The following RUBCNL variants were observed in gnomAD, a reference collection of about 807,000 sequenced individuals.
The protein encoded by RUBCNL is protein associated with UVRAG as autophagy enhancer.
A neutral mutation model predicts 69.5 loss-of-function variants in RUBCNL; 62 were observed. That is an observed-to-expected ratio of 0.89 (90% CI 0.73 to 1.10). The LOEUF is 1.10. RUBCNL is among the 50% of genes least tolerant of loss of function. The pLI is 0.00. For synonymous variants in RUBCNL, 291 were observed against 303.6 expected (o/e 0.96, Z 0.43); for missense variants, 768 against 798.1 (o/e 0.96, Z 0.45).
chr13:46,368,315 T>C (rs1007515405), intron 4 of RUBCNL, 66 bp from the exon 5 acceptor site: 5 of 1,507,178 alleles, frequency 3.3e-6, no homozygotes, highest in African/African-American at 1.4e-5. Context: ...TATATTAGAT[T>C]TGAAAAATCA....
chr13:46,357,705 C>T (rs990355505), intron 9 of RUBCNL, among the ~76,000 whole-genome samples: 1 of 150,144 alleles, frequency 6.7e-6, no homozygotes, highest in African/African-American at 2.5e-5. Context: ...TCTCAGCTCA[C>T]TGCAACCTTC....
rs1008925545 is a variant in RUBCNL at position 46,336,991 on chromosome 13, G to T, written c.*6394C>A. Among the ~76,000 whole-genome samples the T allele has an allele frequency of 6.6e-6, 1 of 152,076 alleles. No homozygotes were observed. Among genetic ancestry groups the T allele is most frequent in the Non-Finnish European group, 1.5e-5 (1 of 68,024 alleles). On this transcript the variant is annotated 3_prime_UTR_variant, in exon 15 of 15. Coordinates refer to ENST00000429979, the MANE Select transcript of RUBCNL (RefSeq NM_025113.5). The stretch of plus-strand genomic sequence containing the variant: ...ATTTATATCTCCTCAAAAGTCATGT[G>T]TTGAAGACCTAACCCCCAATTGTGA...
rs890140824 is a variant in RUBCNL at position 46,341,247 on chromosome 13, C to T, written c.*2138G>A. On this transcript the variant is annotated 3_prime_UTR_variant, in exon 15 of 15. Transcript: ENST00000429979. Reference sequence around the variant, plus strand: ...CTGATGCCTCACAGTGGGTAATGGTCTGACCAAGCATTCATCTTCTTTCCG... The same window carrying T: ...CTGATGCCTCACAGTGGGTAATGGTTTGACCAAGCATTCATCTTCTTTCCG... Among the ~76,000 whole-genome samples the T allele has an allele frequency of 1.3e-5, 2 of 152,186 alleles. No homozygotes were observed. Among genetic ancestry groups the T allele is most frequent in the East Asian group, 3.8e-4 (2 of 5,200 alleles).
chr13:46,350,517 T>C (rs2048348832), intron 10 of RUBCNL, 166 bp from the exon 11 acceptor site: 4 of 573,538 alleles, frequency 7.0e-6, no homozygotes, highest in Middle Eastern at 4.6e-4. Flanking sequence ...CAGCAGAGAC[T>C]TGGGGAATTA....
intron 13 of RUBCNL, among the ~76,000 whole-genome samples, chr13:46,345,105 T>C (rs1182538127): frequency 1.3e-5 from 2 of 152,238 alleles, no homozygotes; most frequent in African/African-American, 2.4e-5. Context: ...TCATTTATCA[T>C]TGCTGCACTA....
chr13:46,350,194 G>A lies in RUBCNL; in HGVS notation c.1488C>T (p.Ser496=), dbSNP rs2048340336. The A allele has an allele frequency of 3.1e-6, 5 of 1,591,184 alleles. No homozygotes were observed. The African/African-American group carries it at 6.7e-5, about 21-fold the overall frequency. The change falls in exon 11 of 15, where the codon AGC becomes AGT. Residue 496 remains serine, a synonymous_variant. Transcript: ENST00000429979. The part of the protein sequence containing the change: ...VSNFSKQLLD[S]IWHQPIFNLL... ...AATTGAAAATGGGCTGGTGCCATATGCTGTCGAGCAGCTGTTTGGAGAAAT... is the reference window on the plus strand; with the variant it reads ...AATTGAAAATGGGCTGGTGCCATATACTGTCGAGCAGCTGTTTGGAGAAAT...
intron 5 of RUBCNL, among the ~76,000 whole-genome samples, chr13:46,363,552 T>C (rs2048679843): frequency 6.6e-6 from 1 of 152,124 alleles, no homozygotes; most frequent in African/African-American, 2.4e-5. Flanking sequence ...TTAAATACTA[T>C]CATTTAAAAA....
chr13:46,362,923 C>T (rs1215838232), intron 6 of RUBCNL, among the ~76,000 whole-genome samples, 192 bp downstream of exon 6: 2 of 88,038 alleles, frequency 2.3e-5, no homozygotes, highest in Non-Finnish European at 4.5e-5. Flanking sequence ...ACAAGAACAT[C>T]ATATATATAT....
At chr13:46,373,341 T>C (rs540151213) in intron 2 of RUBCNL, among the ~76,000 whole-genome samples, 11 of 152,326 alleles carry the variant, frequency 7.2e-5, no homozygotes, top group Middle Eastern at 3.4e-3. Flanking sequence ...AAGTGGTACA[T>C]AAAACAGAGG....
At position 46,340,969 on chromosome 13, in the gene RUBCNL, G is replaced by A. The variant is rs1438604338; in HGVS notation, c.*2416C>T. Reference sequence around the variant, plus strand: ...CAAACAAGCCAAACTAGAGCACCAAGTCACCATGGGTAGGTAGAAAGTGGC... The same window carrying A: ...CAAACAAGCCAAACTAGAGCACCAAATCACCATGGGTAGGTAGAAAGTGGC... On this transcript the variant is annotated 3_prime_UTR_variant, in exon 15 of 15. Coordinates refer to ENST00000429979, the MANE Select transcript of RUBCNL (RefSeq NM_025113.5). Among the ~76,000 whole-genome samples, 1 of 152,184 alleles carries A rather than the reference G, an allele frequency of 6.6e-6. No homozygotes were observed. Among genetic ancestry groups the A allele is most frequent in the African/African-American group, 2.4e-5 (1 of 41,442 alleles).
chr13:46,381,016 C>T (rs969361493), intron 1 of RUBCNL, among the ~76,000 whole-genome samples: 1 of 152,072 alleles, frequency 6.6e-6, no homozygotes, highest in Non-Finnish European at 1.5e-5. Context: ...CATGTTTGGG[C>T]AAATAAAATG....
At chr13:46,346,214 T>C (rs2048242554) in intron 12 of RUBCNL, among the ~76,000 whole-genome samples, 1 of 152,144 alleles carries the variant, frequency 6.6e-6, no homozygotes, top group South Asian at 2.1e-4. Flanking sequence ...TCCCTGCACT[T>C]CCAAGACAGC....
chr13:46,378,027 G>A (rs930779593), intron 1 of RUBCNL, 22 bp from the exon 2 acceptor site: 19 of 1,347,096 alleles, frequency 1.4e-5, no homozygotes, highest in Admixed American at 4.6e-5. Flanking sequence ...AAAACAATTT[G>A]CCAGATGCTA....
At chr13:46,356,854 C>T (rs563815848) in intron 9 of RUBCNL, among the ~76,000 whole-genome samples, 18 of 151,394 alleles carry the variant, frequency 1.2e-4, no homozygotes, top group African/African-American at 4.1e-4. Context: ...TACATGTACA[C>T]GCCACCATGC....
Position 46,361,548 on chromosome 13 carries a change from A to C in RUBCNL, c.1012T>G (p.Ser338Ala). The C allele has an allele frequency of 2.5e-6, 4 of 1,606,938 alleles. No homozygotes were observed. Among genetic ancestry groups the C allele is most frequent in the Non-Finnish European group, 3.4e-6 (4 of 1,176,378 alleles). Residue 338 changes from serine to alanine, a missense_variant, in exon 8 of 15, where the codon TCT (serine) becomes GCT (alanine). Coordinates refer to ENST00000429979, the MANE Select transcript of RUBCNL (RefSeq NM_025113.5). ...KSVTYEPDFN[S>A]AELLAKELYR... ...AGCTCTTTGGCTAATAGTTCTGCAG[A>C]ATTGAAGTCTGGCTCATAAGTGACA...
chr13:46,351,101 GA>G (rs34231532), intron 10 of RUBCNL: 21,905 of 141,912 alleles, frequency 0.15, 2,051 homozygotes, highest in African/African-American at 0.26. Flanking sequence ...CATCTCCACA[GA>G]AAAAAAAAAA....
chr13:46,365,861 T>A (rs2048743228), intron 5 of RUBCNL, among the ~76,000 whole-genome samples: 1 of 152,110 alleles, frequency 6.6e-6, no homozygotes. Flanking sequence ...GACAGATACA[T>A]GCAGGATCAA....
intron 12 of RUBCNL, among the ~76,000 whole-genome samples, chr13:46,348,424 T>C (rs1288381047): frequency 6.6e-6 from 1 of 152,164 alleles, no homozygotes; most frequent in African/African-American, 2.4e-5. Context: ...TAAACCATTC[T>C]TCTTAATGAG....
At chr13:46,347,980 G>A (rs1412470439) in intron 12 of RUBCNL, among the ~76,000 whole-genome samples, 2 of 151,718 alleles carry the variant, frequency 1.3e-5, no homozygotes, top group East Asian at 1.9e-4. Flanking sequence ...GCGACAGAAG[G>A]AGACTCCGTC....
Sources: allele counts gnomAD v4.1 joint callset (sites outside exome capture counted in the v4.1 genomes callset), GRCh38; gene constraint gnomAD v4.1.1; transcripts MANE v1.5; gene names NCBI Gene and HGNC (gene_info 2026-07-23, HGNC 2026-07-21).